The following ARB2A variants were observed in gnomAD, a reference collection of about 807,000 sequenced individuals.
The protein encoded by ARB2A is ARB2 cotranscriptional regulator A, also known as cotranscriptional regulator ARB2A.
the ARB2A span, among the ~76,000 whole-genome samples, chr5:93,894,748 T>G: frequency 1.3e-5 from 2 of 152,126 alleles, no homozygotes; most frequent in Admixed American, 1.3e-4. Flanking sequence ...TTACAATACC[T>G]ACAAACTCAG....
chr5:94,103,592 C>T, the ARB2A span, among the ~76,000 whole-genome samples: 1 of 152,040 alleles, frequency 6.6e-6, no homozygotes, highest in East Asian at 1.9e-4. Flanking sequence ...TTGACACCCA[C>T]TGACAGTACT....
the ARB2A span, among the ~76,000 whole-genome samples, chr5:93,891,541 T>C: frequency 6.6e-6 from 1 of 152,068 alleles, no homozygotes; most frequent in African/African-American, 2.4e-5. Flanking sequence ...CTTTTCTTGA[T>C]TGAAATAAGC....
At chr5:94,008,719 A>G in the ARB2A span, among the ~76,000 whole-genome samples, 1 of 152,156 alleles carries the variant, frequency 6.6e-6, no homozygotes, top group Admixed American at 6.5e-5. Flanking sequence ...TATATGTTCT[A>G]TATAATATAT....
the ARB2A span, among the ~76,000 whole-genome samples, chr5:94,003,120 C>T: frequency 6.6e-6 from 1 of 152,126 alleles, no homozygotes; most frequent in East Asian, 1.9e-4. Context: ...GGCACCATGA[C>T]AAGCCAAAAT....
the ARB2A span, among the ~76,000 whole-genome samples, chr5:94,014,968 G>T: frequency 6.6e-6 from 1 of 151,234 alleles, no homozygotes; most frequent in Non-Finnish European, 1.5e-5. Context: ...GCAAGGAGTA[G>T]AAAGTTTACT....
At chr5:93,923,469 T>C in the ARB2A span, among the ~76,000 whole-genome samples, 2 of 152,300 alleles carry the variant, frequency 1.3e-5, no homozygotes, top group East Asian at 1.9e-4. Flanking sequence ...ATTTTTCTTT[T>C]TGTGTTTTTC....
At chr5:93,956,108 A>T in the ARB2A span, among the ~76,000 whole-genome samples, 1 of 152,244 alleles carries the variant, frequency 6.6e-6, no homozygotes. Context: ...CCTCAGAAGC[A>T]CTTGTGGGGA....
the ARB2A span, among the ~76,000 whole-genome samples, chr5:93,964,872 A>G: frequency 6.6e-6 from 1 of 151,988 alleles, no homozygotes; most frequent in Non-Finnish European, 1.5e-5. Context: ...TATATTTAAT[A>G]TATTAATGGC....
At chr5:93,860,040 A>G in the ARB2A span, among the ~76,000 whole-genome samples, 1 of 152,312 alleles carries the variant, frequency 6.6e-6, no homozygotes, top group East Asian at 1.9e-4. Context: ...CACACCTATA[A>G]TCCCAGCACT....
the ARB2A span, among the ~76,000 whole-genome samples, chr5:93,704,965 A>G: frequency 6.6e-6 from 1 of 152,194 alleles, no homozygotes; most frequent in Admixed American, 6.5e-5. Flanking sequence ...ATTCAAGGGC[A>G]ATCAATCCTC....
the ARB2A span, chr5:93,741,558 G>C: frequency 9.7e-6 from 15 of 1,548,774 alleles, no homozygotes; most frequent in African/African-American, 5.5e-5. Flanking sequence ...GCCTGTGTCC[G>C]GCCATGGGTG....
chr5:93,830,311 G>GTGTATGTGTGTGTATATATA, the ARB2A span, among the ~76,000 whole-genome samples: 145 of 82,200 alleles, frequency 1.8e-3, no homozygotes, highest in Non-Finnish European at 2.1e-3. Flanking sequence ...GTGTGTGTGT[G>GTGTATGTGTGTGTATATATA]TATATATATA....
At chr5:93,905,858 C>T in the ARB2A span, among the ~76,000 whole-genome samples, 4 of 151,436 alleles carry the variant, frequency 2.6e-5, no homozygotes, top group African/African-American at 9.7e-5. Flanking sequence ...TTGCAAATAA[C>T]CTAAGAATCC....
At chr5:94,065,031 GAATC>G in the ARB2A span, among the ~76,000 whole-genome samples, 8 of 152,136 alleles carry the variant, frequency 5.3e-5, no homozygotes, top group Non-Finnish European at 1.0e-4. Context: ...AATGCAATAA[GAATC>G]AATAAATAAA....
At chr5:93,805,401 C>T in the ARB2A span, 3 of 985,096 alleles carry the variant, frequency 3.0e-6, no homozygotes, top group Non-Finnish European at 3.6e-6. Flanking sequence ...CACAGCAAAA[C>T]CCCCGTTTCC....
the ARB2A span, among the ~76,000 whole-genome samples, chr5:93,985,802 G>T: frequency 6.6e-6 from 1 of 152,188 alleles, no homozygotes; most frequent in Non-Finnish European, 1.5e-5. Context: ...GCCTGCCTTG[G>T]CCTCCCAAAG....
At chr5:93,755,026 C>T in the ARB2A span, among the ~76,000 whole-genome samples, 1 of 152,238 alleles carries the variant, frequency 6.6e-6, no homozygotes, top group East Asian at 1.9e-4. Flanking sequence ...AATGCCTTTT[C>T]AGTCCTATAG....
the ARB2A span, chr5:93,683,743 G>A: frequency 2.5e-6 from 4 of 1,601,298 alleles, no homozygotes; most frequent in African/African-American, 4.0e-5. Context: ...ACTTAGGTAG[G>A]AGAGAAGGCG....
chr5:93,730,630 A>G, the ARB2A span, among the ~76,000 whole-genome samples: 2 of 152,176 alleles, frequency 1.3e-5, no homozygotes, highest in Non-Finnish European at 1.5e-5. Context: ...TCTGCTTTTC[A>G]TAAACACAAT....
Sources: gnomAD v4.1 joint callset for allele counts (sites outside exome capture counted in the v4.1 genomes callset) on GRCh38, gnomAD v4.1.1 for gene constraint, MANE v1.5 for transcripts, NCBI Gene and HGNC (gene_info 2026-07-23, HGNC 2026-07-21) for gene names.